KIDINS220: variants seen among roughly 807,000 people sequenced by gnomAD.
KIDINS220 encodes the protein kinase D-interacting substrate of 220 kDa.
A neutral mutation model predicts 157.6 loss-of-function variants in KIDINS220; 63 were observed. The observed-to-expected ratio is 0.40, with a 90% CI of 0.33 to 0.49. KIDINS220 has a LOEUF of 0.49. KIDINS220 is among the 20% of genes least tolerant of loss of function. The pLI, the probability that KIDINS220 is intolerant of heterozygous loss-of-function variation, is 0.66. For missense variants in KIDINS220, 1,772 were observed against 2,171.2 expected (o/e 0.82, Z 3.65); for synonymous variants, 732 against 783.6 (o/e 0.93, Z 1.10).
chr2:8,765,331 C>A (rs1669328571), intron 22 of KIDINS220, among the ~76,000 whole-genome samples: 1 of 152,088 alleles, frequency 6.6e-6, no homozygotes, highest in African/African-American at 2.4e-5. Flanking sequence ...GCTCTCCTGC[C>A]CATGATATCT....
intron 6 of KIDINS220, among the ~76,000 whole-genome samples, chr2:8,807,441 T>G (rs190446365): frequency 6.6e-6 from 1 of 152,290 alleles, no homozygotes; most frequent in East Asian, 1.9e-4. Context: ...ACTCTATAAT[T>G]CTGTGCTGTG....
intron 22 of KIDINS220, among the ~76,000 whole-genome samples, chr2:8,752,308 C>T (rs1005068390): frequency 6.6e-6 from 1 of 151,982 alleles, no homozygotes; most frequent in African/African-American, 2.4e-5. Context: ...TGAGCCACCT[C>T]ATCCAGTCTA....
At chr2:8,824,004 T>A (rs1324502615) in intron 2 of KIDINS220, among the ~76,000 whole-genome samples, 1 of 151,972 alleles carries the variant, frequency 6.6e-6, no homozygotes, top group Non-Finnish European at 1.5e-5. Context: ...TTACACAGAT[T>A]ATAATTTGTT....
At chr2:8,758,327 T>G (rs1404605852) in intron 22 of KIDINS220, among the ~76,000 whole-genome samples, 1 of 152,032 alleles carries the variant, frequency 6.6e-6, no homozygotes, top group Non-Finnish European at 1.5e-5. Context: ...CTGGAAAAAA[T>G]ACTTGAGAAA....
chr2:8,786,125 GGT>G (rs1207253595), intron 16 of KIDINS220, 79 bp downstream of exon 16: 1 of 1,575,856 alleles, frequency 6.3e-7, no homozygotes, highest in African/African-American at 1.4e-5. Flanking sequence ...TAATGTTCAA[GGT>G]GTGTTTTCAT....
chr2:8,796,378 AACAAAC>A (rs1673922237), intron 11 of KIDINS220, among the ~76,000 whole-genome samples: 1 of 152,204 alleles, frequency 6.6e-6, no homozygotes, highest in Non-Finnish European at 1.5e-5. Flanking sequence ...CACGCGGCAG[AACAAAC>A]ACATTGACTC....
rs1663726594 is a variant in KIDINS220, at chr2:8,729,422, A to G, written c.*1298T>C. The G allele has an allele frequency of 1.0e-6, 1 of 985,464 alleles. No homozygotes were observed. The highest frequency in any genetic ancestry group is 5.2e-4 in the Middle Eastern group (1 of 1,914). 61.0% of individuals were successfully genotyped at this position (985,464 alleles called of 1,614,324 possible). A position where few individuals can be genotyped will look rare whatever the true frequency, so the allele number is the denominator to read the frequency against. On this transcript the variant is annotated 3_prime_UTR_variant, in exon 30 of 30. Coordinates refer to ENST00000256707, the MANE Select transcript of KIDINS220 (RefSeq NM_020738.4). Reference sequence around the variant, plus strand: ...TAACTGTGACTTGGGGTAAACCACCAGAATTCATTCTACATAAATGAGCTA... The same window carrying G: ...TAACTGTGACTTGGGGTAAACCACCGGAATTCATTCTACATAAATGAGCTA...
intron 1 of KIDINS220, among the ~76,000 whole-genome samples, chr2:8,830,640 A>G (rs1280165423): frequency 6.6e-6 from 1 of 152,030 alleles, no homozygotes; most frequent in Non-Finnish European, 1.5e-5. Flanking sequence ...GCTGGTCTCA[A>G]ACTCCTGGGC....
intron 2 of KIDINS220, among the ~76,000 whole-genome samples, chr2:8,822,594 T>C (rs1430029626): frequency 2.6e-5 from 4 of 151,508 alleles, no homozygotes; most frequent in Admixed American, 2.0e-4. Flanking sequence ...GCCACTACAC[T>C]CCAGCCTGGG....
chr2:8,744,363 CAAAAAAAAAAA>C (rs547083543), intron 26 of KIDINS220, among the ~76,000 whole-genome samples: 773 of 8,558 alleles, frequency 0.09, 9 homozygotes, highest in African/African-American at 0.093. Flanking sequence ...TTCCTCATGG[CAAAAAAAAAAA>C]AAAAAAAAAA....
intron 1 of KIDINS220, among the ~76,000 whole-genome samples, chr2:8,836,953 G>A (rs1680501697): frequency 6.6e-6 from 1 of 152,202 alleles, no homozygotes; most frequent in Admixed American, 6.5e-5. Flanking sequence ...AAATCTTGGA[G>A]GCGTGGAAAT....
intron 4 of KIDINS220, among the ~76,000 whole-genome samples, chr2:8,816,874 T>C (rs867522228): frequency 5.3e-5 from 8 of 152,356 alleles, no homozygotes; most frequent in Middle Eastern, 3.4e-3. Context: ...TATAAGATTA[T>C]ACAGGTTGAA....
intron 26 of KIDINS220, among the ~76,000 whole-genome samples, chr2:8,741,349 T>G (rs1665601214): frequency 6.6e-6 from 1 of 152,196 alleles, no homozygotes. Context: ...GGTGGATGAC[T>G]TGAGGTCAGG....
chr2:8,810,725 G>C (rs1331484321), intron 6 of KIDINS220, among the ~76,000 whole-genome samples: 1 of 152,124 alleles, frequency 6.6e-6, no homozygotes, highest in Non-Finnish European at 1.5e-5. Context: ...GGCAGAGGTT[G>C]CAGTAAGCCA....
intron 22 of KIDINS220, among the ~76,000 whole-genome samples, chr2:8,756,779 C>T (rs1243045321): frequency 6.6e-6 from 1 of 152,186 alleles, no homozygotes; most frequent in Non-Finnish European, 1.5e-5. Context: ...AACCTAATTA[C>T]CAAAGGCACC....
rs536421685 is a variant in KIDINS220 at position 8,731,314 on chromosome 2, C to G, written c.4722G>C (p.Ser1574=). The G allele has an allele frequency of 9.9e-6, 16 of 1,614,142 alleles. No individual in the cohort carries two copies. The highest frequency in any genetic ancestry group is 1.6e-4 in the Middle Eastern group (1 of 6,062). The change falls in exon 30 of 30, where the codon TCG becomes TCC. Residue 1574 remains serine (S), a synonymous_variant. Transcript: ENST00000256707. This position sits in a 1 kb window ranked among gnomAD's most constrained non-coding sequence, Gnocchi z 5.2. ...RTFIKAKEYL[S]DALLDKKDSS... Reference sequence around the variant, plus strand: ...AATCCTTTTTGTCAAGGAGCGCATCCGATAAATACTCTTTGGCTTTAATGA... The same window carrying G: ...AATCCTTTTTGTCAAGGAGCGCATCGGATAAATACTCTTTGGCTTTAATGA...
chr2:8,788,514 C>T, intron 15 of KIDINS220, 133 bp downstream of exon 15: 1 of 746,174 alleles, frequency 1.3e-6, no homozygotes, highest in Non-Finnish European at 2.1e-6. Flanking sequence ...GGTGATCTGC[C>T]CACCTTGGCC....
intron 13 of KIDINS220, 29 bp downstream of exon 13, chr2:8,791,031 T>C (rs1421232562): frequency 2.5e-6 from 4 of 1,595,884 alleles, no homozygotes; most frequent in Non-Finnish European, 2.6e-6. Flanking sequence ...GCTTTATATA[T>C]ACAGACTTTG....
intron 7 of KIDINS220, among the ~76,000 whole-genome samples, chr2:8,804,794 G>T (rs1025573324): frequency 1.3e-5 from 2 of 152,184 alleles, no homozygotes; most frequent in Non-Finnish European, 1.5e-5. Flanking sequence ...TCTATGACCA[G>T]ATGTGTGGGG....
Sources: allele counts gnomAD v4.1 joint callset (sites outside exome capture counted in the v4.1 genomes callset), GRCh38; gene constraint gnomAD v4.1.1; non-coding constraint Gnocchi (gnomAD v3.1); transcripts MANE v1.5; gene names NCBI Gene and HGNC (gene_info 2026-07-23, HGNC 2026-07-21).